Variants in ENTPD1 observed in about 807,000 individuals in gnomAD.
ENTPD1 encodes the protein ectonucleoside triphosphate diphosphohydrolase 1.
A neutral mutation model predicts 57.0 loss-of-function variants in ENTPD1; 33 were observed. That is an observed-to-expected ratio of 0.58 (90% confidence interval 0.44 to 0.77). The LOEUF is 0.77. Among genes scored for constraint, ENTPD1 ranks in the 30% least tolerant of loss-of-function variants. ENTPD1 has a pLI of 0.00. For missense variants in ENTPD1, 501 were observed against 603.4 expected (o/e 0.83, Z 1.78); for synonymous variants, 202 against 218.8 (o/e 0.92, Z 0.68).
At chr10:95,808,009 G>C (rs75988954) in intron 1 of ENTPD1, among the ~76,000 whole-genome samples, 2 of 152,166 alleles carry the variant, frequency 1.3e-5, no homozygotes, top group Non-Finnish European at 2.9e-5. Context: ...TTTTCAAGGG[G>C]AATGCTTCCA....
At chr10:95,734,535 T>C (rs1215163322) in intron 1 of ENTPD1, among the ~76,000 whole-genome samples, 2 of 152,218 alleles carry the variant, frequency 1.3e-5, no homozygotes, top group Non-Finnish European at 2.9e-5. Context: ...CAGAGCTTCT[T>C]CCAGCTGGGC....
intron 1 of ENTPD1, among the ~76,000 whole-genome samples, chr10:95,778,782 CCT>C (rs993630785): frequency 2.0e-5 from 3 of 151,736 alleles, no homozygotes; most frequent in African/African-American, 7.3e-5. Context: ...TTCTTTGTTT[CCT>C]CTGTTTTTTT....
intron 1 of ENTPD1, among the ~76,000 whole-genome samples, chr10:95,728,474 C>T (rs562254857): frequency 6.6e-6 from 1 of 152,276 alleles, no homozygotes; most frequent in East Asian, 1.9e-4. Context: ...ATTTATGGTA[C>T]ATATCAAGCA....
chr10:95,802,422 T>A (rs75780356), intron 1 of ENTPD1, among the ~76,000 whole-genome samples: 1 of 149,112 alleles, frequency 6.7e-6, no homozygotes, highest in Non-Finnish European at 1.5e-5. Context: ...TATCCATGAA[T>A]TTTTTTTTTC....
chr10:95,756,263 C>T lies in ENTPD1; in HGVS notation c.16+8C>T, dbSNP rs1365490278. The T allele has an allele frequency of 6.3e-7, 1 of 1,586,618 alleles. No homozygotes were observed. Among genetic ancestry groups the T allele is most frequent in the Non-Finnish European group, 8.6e-7 (1 of 1,165,086 alleles). ...TTATGGAAGATACAAAGGGTAAGAC[C>T]AAAATTGATTTGATCTGAATCCTTA... On this transcript the variant is annotated splice_region_variant and intron_variant, in intron 1 of 9. Coordinates refer to ENST00000371205, the MANE Select transcript of ENTPD1 (RefSeq NM_001776.6).
intron 2 of ENTPD1, among the ~76,000 whole-genome samples, chr10:95,832,377 C>A (rs532008415): frequency 6.6e-6 from 1 of 152,122 alleles, no homozygotes; most frequent in South Asian, 2.1e-4. Flanking sequence ...GCCTGTGAGA[C>A]ACAATGAGAA....
intron 8 of ENTPD1, among the ~76,000 whole-genome samples, chr10:95,862,136 G>T (rs1170770243): frequency 6.6e-6 from 1 of 152,166 alleles, no homozygotes; most frequent in Non-Finnish European, 1.5e-5. Flanking sequence ...GTGGGGAGTT[G>T]TTCAGAGGCC....
intron 1 of ENTPD1, among the ~76,000 whole-genome samples, chr10:95,758,660 A>G (rs909902148): frequency 1.3e-5 from 2 of 151,986 alleles, no homozygotes; most frequent in Non-Finnish European, 2.9e-5. Flanking sequence ...GTCTAGTGCA[A>G]TTTTATTTTT....
intron 1 of ENTPD1, among the ~76,000 whole-genome samples, chr10:95,712,335 A>G (rs915072389): frequency 2.0e-5 from 3 of 152,116 alleles, no homozygotes; most frequent in African/African-American, 7.2e-5. Context: ...TTCTGACTAG[A>G]CCTGTGTCTA....
intron 1 of ENTPD1, among the ~76,000 whole-genome samples, chr10:95,769,531 T>C (rs1589746943): frequency 1.3e-5 from 2 of 152,354 alleles, no homozygotes; most frequent in East Asian, 3.9e-4. Context: ...TCTAGCATCC[T>C]GCAGGCCACT....
chr10:95,789,156 CAT>C (rs1344428705), intron 1 of ENTPD1, among the ~76,000 whole-genome samples: 3 of 152,142 alleles, frequency 2.0e-5, no homozygotes, highest in Non-Finnish European at 4.4e-5. Flanking sequence ...CAAAGTAAAA[CAT>C]ACACAATTAA....
At chr10:95,811,194 G>A (rs1264386121) in intron 1 of ENTPD1, among the ~76,000 whole-genome samples, 2 of 152,178 alleles carry the variant, frequency 1.3e-5, no homozygotes, top group African/African-American at 2.4e-5. Context: ...TCCACCCAAA[G>A]TCTACCAAGT....
At chr10:95,811,260 G>A (rs1473796116) in intron 1 of ENTPD1, among the ~76,000 whole-genome samples, 3 of 152,206 alleles carry the variant, frequency 2.0e-5, no homozygotes, top group East Asian at 3.8e-4. Context: ...TGGCAAGAAA[G>A]AATGAATGGG....
At chr10:95,795,830 G>A (rs1057044431) in intron 1 of ENTPD1, among the ~76,000 whole-genome samples, 1 of 152,132 alleles carries the variant, frequency 6.6e-6, no homozygotes, top group African/African-American at 2.4e-5. Flanking sequence ...GTTTGCTAAG[G>A]AACGACCAAT....
At chr10:95,743,449 A>G (rs1381545825) in intron 1 of ENTPD1, among the ~76,000 whole-genome samples, 2 of 152,204 alleles carry the variant, frequency 1.3e-5, no homozygotes, top group African/African-American at 4.8e-5. Flanking sequence ...AGAAGTCACT[A>G]TGCAGGCCAT....
At chr10:95,829,415 C>T (rs1304422203) in intron 2 of ENTPD1, among the ~76,000 whole-genome samples, 5 of 152,218 alleles carry the variant, frequency 3.3e-5, no homozygotes, top group South Asian at 2.1e-4. Flanking sequence ...CAGGTTTGCA[C>T]GTGTGTCAGA....
chr10:95,756,454 C>G, intron 1 of ENTPD1, 199 bp downstream of exon 1: 1 of 633,456 alleles, frequency 1.6e-6, no homozygotes, highest in Non-Finnish European at 2.8e-6. Context: ...GGGTTGCAGT[C>G]AAGGGTGGCT....
chr10:95,697,544 C>G, the ENTPD1 span, among the ~76,000 whole-genome samples: 38 of 152,160 alleles, frequency 2.5e-4, no homozygotes, highest in Non-Finnish European at 5.1e-4. Context: ...CATGAATGGA[C>G]TAATCCATTC....
chr10:95,822,892 C>T (rs1485176378), intron 1 of ENTPD1, among the ~76,000 whole-genome samples: 1 of 152,052 alleles, frequency 6.6e-6, no homozygotes, highest in Non-Finnish European at 1.5e-5. Flanking sequence ...GAGGGGTATT[C>T]TTGTTTTTTG....
Sources: allele counts gnomAD v4.1 joint callset (sites outside exome capture counted in the v4.1 genomes callset), GRCh38; gene constraint gnomAD v4.1.1; transcripts MANE v1.5; gene names NCBI Gene and HGNC (gene_info 2026-07-23, HGNC 2026-07-21).